The following SLC35A1 variants were observed in gnomAD, a reference collection of about 807,000 sequenced individuals.
SLC35A1 encodes CMP-sialic acid transporter.
SLC35A1 carries 21 observed loss-of-function variants against 40.3 expected under a neutral mutation model. The ratio of observed to expected loss-of-function variants is 0.52; its 90% CI spans 0.37 to 0.75. The LOEUF (loss-of-function observed/expected upper bound fraction) is 0.75. Ranked by LOEUF, SLC35A1 falls within the 30% of genes least tolerant of loss-of-function variation. The probability of loss-of-function intolerance (pLI) is 0.00; values close to 1 mark genes in which losing one functional copy is unlikely to be tolerated. For synonymous variants in SLC35A1, 146 were observed against 147.3 expected (o/e 0.99, Z 0.06); for missense variants, 297 against 382.1 (o/e 0.78, Z 1.86).
At chr6:87,486,750 G>A (rs538356006) in intron 2 of SLC35A1, among the ~76,000 whole-genome samples, 17 of 152,298 alleles carry the variant, frequency 1.1e-4, no homozygotes, top group Admixed American at 5.9e-4. Context: ...AGAGAACTGC[G>A]TGTTTGAAAT....
chr6:87,491,817 G>A (rs1254970824), intron 2 of SLC35A1, among the ~76,000 whole-genome samples: 1 of 152,072 alleles, frequency 6.6e-6, no homozygotes, highest in Non-Finnish European at 1.5e-5. Context: ...GATGGCTCTG[G>A]CCTTTTCCTC....
At chr6:87,479,025 A>G (rs959086516) in intron 2 of SLC35A1, among the ~76,000 whole-genome samples, 1 of 152,230 alleles carries the variant, frequency 6.6e-6, no homozygotes, top group Non-Finnish European at 1.5e-5. Context: ...TTTGGCGGGA[A>G]AAATGGTTAT....
chr6:87,473,969 G>C (rs995837354), intron 1 of SLC35A1, among the ~76,000 whole-genome samples: 3 of 152,252 alleles, frequency 2.0e-5, no homozygotes, highest in Admixed American at 2.0e-4. Context: ...ATCAGGCCCT[G>C]CCCAGGGGCA....
At chr6:87,490,508 A>G (rs1460219820) in intron 2 of SLC35A1, among the ~76,000 whole-genome samples, 2 of 151,650 alleles carry the variant, frequency 1.3e-5, no homozygotes, top group Non-Finnish European at 2.9e-5. Context: ...TAATTTTTGT[A>G]TTTTTTGTAG....
intron 2 of SLC35A1, among the ~76,000 whole-genome samples, chr6:87,481,246 G>C (rs1419133256): frequency 1.3e-5 from 2 of 152,006 alleles, no homozygotes; most frequent in Non-Finnish European, 2.9e-5. Flanking sequence ...GAGAAACCTT[G>C]TCTCTACTAA....
At chr6:87,492,066 T>G (rs1769566786) in intron 2 of SLC35A1, among the ~76,000 whole-genome samples, 1 of 152,210 alleles carries the variant, frequency 6.6e-6, no homozygotes, top group Non-Finnish European at 1.5e-5. Context: ...TAGAGTAAGA[T>G]TTAGACAAGA....
At position 87,511,864 on chromosome 6, in the gene SLC35A1, T is replaced by C. The variant is rs1770288405; in HGVS notation, c.*338T>C. 6.0e-6 allele frequency: 2 copies of C among 335,998 alleles called. No individual in the cohort carries two copies. Among genetic ancestry groups the C allele is most frequent in the African/African-American group, 2.1e-5 (1 of 46,788 alleles). The allele number at this position is 335,998 out of a possible 1,614,324, so 20.8% of individuals were successfully genotyped here. A position where few individuals can be genotyped will look rare whatever the true frequency, so the allele number is the denominator to read the frequency against. On this transcript the variant is annotated 3_prime_UTR_variant, in exon 8 of 8. Coordinates refer to ENST00000369552, the MANE Select transcript of SLC35A1 (RefSeq NM_006416.5). ...ACTCAAGTAACAAGGTTTGGGACAA[T>C]GTCTAAGGGTTAAAGTGCCAAAGCC...
chr6:87,479,521 T>C (rs1367356716), intron 2 of SLC35A1, among the ~76,000 whole-genome samples: 1 of 152,326 alleles, frequency 6.6e-6, no homozygotes, highest in Admixed American at 6.5e-5. Context: ...GGCTAACTCA[T>C]TGGACAGAGC....
At chr6:87,496,589 C>T (rs1254089500) in intron 2 of SLC35A1, among the ~76,000 whole-genome samples, 1 of 151,512 alleles carries the variant, frequency 6.6e-6, no homozygotes, top group Admixed American at 6.6e-5. Flanking sequence ...CCAGCCTGGC[C>T]AACATGATGA....
In SLC35A1 at chr6:87,511,379, A is replaced by G; in HGVS notation, c.887-20A>G. On this transcript the variant is annotated intron_variant, in intron 7 of 7. Coordinates refer to ENST00000369552, the MANE Select transcript of SLC35A1 (RefSeq NM_006416.5). ...TAAAGACACACATACAGATAAAGCT[A>G]TTTTTTTTTTTCTTTTCAGCACTCA... 1 of 1,297,672 alleles carries G rather than the reference A, an allele frequency of 7.7e-7. No homozygotes were observed. 80.4% of individuals were successfully genotyped at this position (1,297,672 alleles called of 1,614,324 possible).
intron 2 of SLC35A1, among the ~76,000 whole-genome samples, chr6:87,495,302 A>G (rs1769690002): frequency 6.6e-6 from 1 of 152,212 alleles, no homozygotes; most frequent in Admixed American, 6.5e-5. Context: ...GTTTATAAAG[A>G]CTATCCCTAG....
chr6:87,500,363 A>T, intron 2 of SLC35A1, 145 bp from the exon 3 acceptor site: 1 of 781,156 alleles, frequency 1.3e-6, no homozygotes. Context: ...TGTTTCTTTT[A>T]ATCTAAAACT....
chr6:87,477,652 C>T, intron 2 of SLC35A1, 113 bp downstream of exon 2: 1 of 918,490 alleles, frequency 1.1e-6, no homozygotes, highest in Non-Finnish European at 1.7e-6. Context: ...CAGTGTTTCT[C>T]AACTAGGGGT....
chr6:87,484,350 C>G (rs1769332745), intron 2 of SLC35A1, among the ~76,000 whole-genome samples: 1 of 152,172 alleles, frequency 6.6e-6, no homozygotes, highest in African/African-American at 2.4e-5. Flanking sequence ...AGAAATAGCA[C>G]TCGAATATAA....
intron 2 of SLC35A1, among the ~76,000 whole-genome samples, chr6:87,484,822 G>C (rs1226231848): frequency 3.9e-5 from 6 of 152,144 alleles, no homozygotes; most frequent in Admixed American, 2.0e-4. Context: ...AGAATTGAAC[G>C]TACTGACATG....
intron 2 of SLC35A1, among the ~76,000 whole-genome samples, chr6:87,491,672 A>T (rs1234820465): frequency 6.6e-6 from 1 of 152,204 alleles, no homozygotes; most frequent in African/African-American, 2.4e-5. Context: ...GGCTCAAGCA[A>T]CATTTATTTC....
chr6:87,489,576 C>G (rs1769485286), intron 2 of SLC35A1, among the ~76,000 whole-genome samples: 1 of 124,080 alleles, frequency 8.1e-6, no homozygotes, highest in Admixed American at 1.0e-4. Context: ...GAGTCTTGCT[C>G]TGTCATCCAG....
intron 7 of SLC35A1, among the ~76,000 whole-genome samples, chr6:87,510,617 T>C (rs1398576445): frequency 6.6e-6 from 1 of 152,154 alleles, no homozygotes; most frequent in Non-Finnish European, 1.5e-5. Context: ...GCATGGTGGC[T>C]CATGTCTGTA....
intron 2 of SLC35A1, among the ~76,000 whole-genome samples, chr6:87,500,261 C>T (rs1027595897): frequency 6.6e-6 from 1 of 152,050 alleles, no homozygotes; most frequent in Non-Finnish European, 1.5e-5. Context: ...CAGAATCTCT[C>T]AGAGCTTTGA....
Sources: gnomAD v4.1 joint callset for allele counts (sites outside exome capture counted in the v4.1 genomes callset) on GRCh38, gnomAD v4.1.1 for gene constraint, MANE v1.5 for transcripts, NCBI Gene and HGNC (gene_info 2026-07-23, HGNC 2026-07-21) for gene names.